The following MAML3 variants were observed in gnomAD, a reference collection of about 807,000 sequenced individuals.
MAML3 encodes mastermind-like protein 3.
Under a neutral mutation model 101.9 loss-of-function variants are expected in MAML3, and 27 were observed. The ratio of observed to expected loss-of-function variants is 0.27; its 90% CI spans 0.20 to 0.37. The LOEUF (loss-of-function observed/expected upper bound fraction) is 0.37. MAML3 is among the 10% of genes least tolerant of loss of function. The probability of loss-of-function intolerance (pLI) is 1.00; values close to 1 mark genes in which losing one functional copy is unlikely to be tolerated. For synonymous variants in MAML3, 501 were observed against 555.9 expected, an observed-to-expected ratio of 0.90 and a Z score of 1.39; for missense variants, 1,316 against 1,444.9, an observed-to-expected ratio of 0.91 and a Z score of 1.45.
At chr4:139,783,353 C>T (rs1036758419) in intron 2 of MAML3, among the ~76,000 whole-genome samples, 5 of 152,156 alleles carry the variant, frequency 3.3e-5, no homozygotes, top group African/African-American at 1.2e-4. Flanking sequence ...TGTTGTCAAG[C>T]GTTCAGAGAC....
intron 4 of MAML3, among the ~76,000 whole-genome samples, chr4:139,721,860 A>G (rs1210606077): frequency 6.6e-6 from 1 of 152,244 alleles, no homozygotes; most frequent in East Asian, 1.9e-4. Context: ...GCAACTTGTA[A>G]TATTGTCATG....
intron 1 of MAML3, among the ~76,000 whole-genome samples, chr4:140,117,454 C>A (rs897904830): frequency 1.3e-5 from 2 of 152,002 alleles, no homozygotes; most frequent in African/African-American, 4.8e-5. Context: ...GTATGACTTA[C>A]AGAATATTTA....
At chr4:140,143,451 T>C (rs531552961) in intron 1 of MAML3, among the ~76,000 whole-genome samples, 13 of 152,302 alleles carry the variant, frequency 8.5e-5, no homozygotes, top group Non-Finnish European at 1.9e-4. Context: ...CATTGATCAA[T>C]GACTCTGTGA....
chr4:139,719,051 C>T lies in MAML3; in HGVS notation c.*272G>A. On this transcript the variant is annotated 3_prime_UTR_variant, in exon 5 of 5. Coordinates refer to ENST00000509479, the MANE Select transcript of MAML3 (RefSeq NM_018717.5). The stretch of plus-strand genomic sequence containing the variant: ...TGCTGGGCAGAGGGGCTCTGGCCGG[C>T]TTCATCTTCCCACCTGCTCCTCCGG... 4.7e-6 allele frequency: 2 copies of T among 426,098 alleles called. No individual in the cohort carries two copies. The highest frequency in any genetic ancestry group is 4.3e-5 in the East Asian group (1 of 23,422). 26.4% of individuals were successfully genotyped at this position (426,098 alleles called of 1,614,324 possible).
chr4:139,922,367 G>T (rs956962272), intron 1 of MAML3, among the ~76,000 whole-genome samples: 1 of 152,042 alleles, frequency 6.6e-6, no homozygotes, highest in Non-Finnish European at 1.5e-5. Flanking sequence ...TATCAAAGGC[G>T]ATGGAGAGAG....
At chr4:139,759,007 C>T (rs1729706434) in intron 2 of MAML3, among the ~76,000 whole-genome samples, 1 of 152,224 alleles carries the variant, frequency 6.6e-6, no homozygotes, top group African/African-American at 2.4e-5. Flanking sequence ...TGAAAAATCA[C>T]AGTGATTGGT....
intron 2 of MAML3, among the ~76,000 whole-genome samples, chr4:139,801,514 C>CT (rs1482165966): frequency 1.3e-5 from 2 of 152,066 alleles, no homozygotes; most frequent in African/African-American, 4.8e-5. Context: ...AAACAGTGGA[C>CT]TTTTTCCGTC....
At chr4:139,840,167 A>G (rs1731336603) in intron 2 of MAML3, among the ~76,000 whole-genome samples, 1 of 152,230 alleles carries the variant, frequency 6.6e-6, no homozygotes, top group African/African-American at 2.4e-5. Flanking sequence ...CTAAGACACT[A>G]CATGGTCCCC....
intron 2 of MAML3, among the ~76,000 whole-genome samples, chr4:139,773,069 C>T (rs772935084): frequency 5.3e-5 from 8 of 151,854 alleles, no homozygotes; most frequent in Non-Finnish European, 1.2e-4. Flanking sequence ...AAGCATATGC[C>T]CAGATTTTTT....
At chr4:139,970,398 A>G (rs1279043782) in intron 1 of MAML3, among the ~76,000 whole-genome samples, 3 of 152,172 alleles carry the variant, frequency 2.0e-5, no homozygotes, top group Non-Finnish European at 4.4e-5. Flanking sequence ...GTGGAGGACT[A>G]TGGTGACAGG....
intron 2 of MAML3, among the ~76,000 whole-genome samples, chr4:139,770,668 T>C (rs1303755874): frequency 7.9e-5 from 12 of 152,220 alleles, no homozygotes; most frequent in Admixed American, 7.2e-4. Context: ...TTCCCTGGAA[T>C]GAAGCCAGCC....
At chr4:139,998,752 C>A (rs1424995079) in intron 1 of MAML3, among the ~76,000 whole-genome samples, 2 of 151,996 alleles carry the variant, frequency 1.3e-5, no homozygotes, top group Non-Finnish European at 2.9e-5. Context: ...TTGTTTATTT[C>A]TTTAGTAACT....
chr4:140,133,751 T>C (rs1381320742), intron 1 of MAML3, among the ~76,000 whole-genome samples: 3 of 152,240 alleles, frequency 2.0e-5, no homozygotes, highest in African/African-American at 7.2e-5. Context: ...TCTTTTACTT[T>C]GCCACCTACT....
At chr4:139,914,938 T>C (rs1217396986) in intron 1 of MAML3, among the ~76,000 whole-genome samples, 1 of 152,192 alleles carries the variant, frequency 6.6e-6, no homozygotes, top group East Asian at 1.9e-4. Context: ...ATGAGCCAAC[T>C]TGAATATCAA....
At position 139,890,995 on chromosome 4, in the gene MAML3, CTA is replaced by C; in HGVS notation, c.469-30_469-29del. 1 of 1,594,978 alleles carries C rather than the reference CTA, an allele frequency of 6.3e-7. No homozygotes were observed. On this transcript the variant is annotated intron_variant, in intron 1 of 4. Coordinates refer to ENST00000509479, the MANE Select transcript of MAML3 (RefSeq NM_018717.5). The surrounding 1 kb of genome is among the most constrained non-coding windows in gnomAD (Gnocchi z 4.1). ...GGAAAAGAAACAGGAAAGAGGATGA[CTA>C]AACCTCCAAGTCATATTTTACTCTT... is the stretch of plus-strand genomic sequence containing the variant.
At chr4:139,934,050 AGT>A (rs2110731283) in intron 1 of MAML3, among the ~76,000 whole-genome samples, 1 of 152,128 alleles carries the variant, frequency 6.6e-6, no homozygotes, top group South Asian at 2.1e-4. Context: ...TGTGACACTA[AGT>A]GTGTGAATTT....
At chr4:139,730,963 A>G (rs992564091) in intron 2 of MAML3, 3 of 395,812 alleles carry the variant, frequency 7.6e-6, no homozygotes, top group Admixed American at 7.6e-5. Context: ...TTCAACTAAC[A>G]TCCTGTGTTC....
intron 2 of MAML3, among the ~76,000 whole-genome samples, chr4:139,873,786 C>A (rs1437993036): frequency 1.3e-5 from 2 of 152,200 alleles, no homozygotes; most frequent in Admixed American, 1.3e-4. Context: ...CTGCAGCCCA[C>A]TTGACAGCTT....
chr4:140,134,639 A>T (rs2111045228), intron 1 of MAML3: 1 of 271,062 alleles, frequency 3.7e-6, no homozygotes, highest in South Asian at 3.8e-5. Flanking sequence ...ATACATGTGT[A>T]TTTTTTTCCA....
Sources: gnomAD v4.1 joint callset for allele counts (sites outside exome capture counted in the v4.1 genomes callset) on GRCh38, gnomAD v4.1.1 for gene constraint, Gnocchi (gnomAD v3.1) non-coding constraint, MANE v1.5 for transcripts, NCBI Gene and HGNC (gene_info 2026-07-23, HGNC 2026-07-21) for gene names.